EPHA3: variants seen among roughly 807,000 people sequenced by gnomAD.
EPHA3 encodes the protein ephrin type-A receptor 3.
EPHA3 carries 42 observed loss-of-function variants against 107.1 expected under a neutral mutation model. The observed-to-expected ratio is 0.39, with a 90% CI of 0.31 to 0.51. EPHA3 has a LOEUF of 0.51. Ranked by LOEUF, EPHA3 falls within the 20% of genes least tolerant of loss-of-function variation. EPHA3 has a pLI of 0.78. For synonymous variants in EPHA3, 461 were observed against 424.8 expected (o/e 1.09, Z -1.05); for missense variants, 1,183 against 1,211.2 (o/e 0.98, Z 0.35).
chr3:89,291,495 C>T (rs1481545349), intron 3 of EPHA3, among the ~76,000 whole-genome samples: 1 of 151,888 alleles, frequency 6.6e-6, no homozygotes, highest in African/African-American at 2.4e-5. Context: ...AGAACATTTG[C>T]TTATGTTTTA....
chr3:89,137,594 ATAGCTG>A, intron 2 of EPHA3, among the ~76,000 whole-genome samples: 1 of 151,942 alleles, frequency 6.6e-6, no homozygotes, highest in East Asian at 1.9e-4. Flanking sequence ...TGCAACCTTA[ATAGCTG>A]TAGATTACCA....
chr3:89,451,720 C>G (rs1709994169), intron 15 of EPHA3, among the ~76,000 whole-genome samples: 3 of 152,132 alleles, frequency 2.0e-5, no homozygotes, highest in Non-Finnish European at 2.9e-5. Flanking sequence ...CCAGTTGCTT[C>G]TCAATATCGC....
At chr3:89,407,675 C>T (rs1225020667) in intron 8 of EPHA3, among the ~76,000 whole-genome samples, 1 of 152,080 alleles carries the variant, frequency 6.6e-6, no homozygotes, top group Admixed American at 6.6e-5. Flanking sequence ...CTTCAAATAA[C>T]CCCAGATTTC....
chr3:89,299,841 C>T (rs1350865420), intron 3 of EPHA3, among the ~76,000 whole-genome samples: 1 of 151,940 alleles, frequency 6.6e-6, no homozygotes. Flanking sequence ...GTGTGATATC[C>T]AGCCTTAAGG....
chr3:89,355,610 A>G (rs1412255519), intron 5 of EPHA3, among the ~76,000 whole-genome samples: 1 of 150,726 alleles, frequency 6.6e-6, no homozygotes, highest in Non-Finnish European at 1.5e-5. Context: ...TATTGGACTA[A>G]ACTTACTGGC....
intron 3 of EPHA3, among the ~76,000 whole-genome samples, chr3:89,226,627 T>C (rs557630206): frequency 7.2e-5 from 11 of 152,262 alleles, no homozygotes; most frequent in African/African-American, 2.6e-4. Context: ...GGATAGGTTT[T>C]CAGAATTAAA....
In EPHA3 at chr3:89,265,148, T is replaced by G. The variant is rs1705507946; in HGVS notation, c.814+54628T>G. ...TGTTTTGGCCTAATATAATTTTTGT[T>G]ATTATCATCATTTTCTACTGTAAGT... On this transcript the variant is annotated intron_variant, in intron 3 of 16. Coordinates refer to ENST00000336596, the MANE Select transcript of EPHA3 (RefSeq NM_005233.6). Among the ~76,000 whole-genome samples the G allele has an allele frequency of 3.3e-5, 5 of 152,302 alleles. No homozygotes were observed. The South Asian group carries it at 1.0e-3, about 32-fold the overall frequency.
chr3:89,358,707 G>A (rs1708020328), intron 5 of EPHA3, among the ~76,000 whole-genome samples: 1 of 151,008 alleles, frequency 6.6e-6, no homozygotes, highest in South Asian at 2.1e-4. Flanking sequence ...AAGTATAATA[G>A]TTTTATCTTT....
chr3:89,288,720 A>T (rs1020776224), intron 3 of EPHA3, among the ~76,000 whole-genome samples: 3 of 152,172 alleles, frequency 2.0e-5, no homozygotes, highest in African/African-American at 7.2e-5. Flanking sequence ...TTAAACTCAA[A>T]AGCACCATAA....
intron 3 of EPHA3, 72 bp downstream of exon 3, chr3:89,210,592 A>G (rs938129556): frequency 6.3e-5 from 91 of 1,452,730 alleles, no homozygotes; most frequent in Non-Finnish European, 8.2e-5. Flanking sequence ...CATTAAATGA[A>G]ATGCACTCAG....
chr3:89,476,224 TTA>T (rs537350448), intron 16 of EPHA3, among the ~76,000 whole-genome samples: 28 of 147,002 alleles, frequency 1.9e-4, no homozygotes, highest in African/African-American at 4.9e-4. Context: ...TATAAGCATA[TTA>T]TATATATATA....
At chr3:89,260,220 T>C (rs1576272085) in intron 3 of EPHA3, among the ~76,000 whole-genome samples, 1 of 152,236 alleles carries the variant, frequency 6.6e-6, no homozygotes, top group Admixed American at 6.5e-5. Flanking sequence ...TGGATATGTA[T>C]GGAAGTTCTA....
At chr3:89,268,760 A>G (rs1705594297) in intron 3 of EPHA3, among the ~76,000 whole-genome samples, 1 of 152,038 alleles carries the variant, frequency 6.6e-6, no homozygotes, top group Non-Finnish European at 1.5e-5. Flanking sequence ...GAATTTTACA[A>G]TGTTCTCTGA....
At chr3:89,386,982 G>A (rs747439307) in intron 5 of EPHA3, among the ~76,000 whole-genome samples, 94 of 152,154 alleles carry the variant, frequency 6.2e-4, no homozygotes, top group Non-Finnish European at 2.6e-4. Flanking sequence ...TACCCTCATC[G>A]TATCTGGGAA....
chr3:89,396,030 G>A, intron 6 of EPHA3, 69 bp downstream of exon 6: 3 of 1,575,304 alleles, frequency 1.9e-6, no homozygotes, highest in Non-Finnish European at 2.6e-6. Flanking sequence ...CTGTGCTCTT[G>A]CAAAGAAACC....
rs868664771 is a variant in EPHA3 at position 89,390,429 on chromosome 3, T to A, written c.1307-5408T>A. On this transcript the variant is annotated intron_variant, in intron 5 of 16. Transcript: ENST00000336596. The stretch of plus-strand genomic sequence containing the variant: ...TCCTGGTCATCATGATGAAACCCCA[T>A]CTCTACCAAAAATACAAAAAATTAG... 3.9e-5 allele frequency among the ~76,000 whole-genome samples: 6 copies of A among 151,932 alleles called. No individual in the cohort carries two copies. The South Asian group carries it at 1.0e-3, about 26-fold the overall frequency.
At position 89,154,604 on chromosome 3, in the gene EPHA3, T is replaced by C. The variant is rs546565305; in HGVS notation, c.153+27331T>C. Among the ~76,000 whole-genome samples the C allele has an allele frequency of 3.3e-5, 5 of 151,786 alleles. No individual in the cohort carries two copies. In the South Asian group the frequency reaches 1.0e-3, roughly 31 times the overall value. On this transcript the variant is annotated intron_variant, in intron 2 of 16. Transcript: ENST00000336596. ...ATTGTTTGATTGAACTAGGATTAAT[T>C]ATATAAATCATGTGAAAAATTTCAA...
intron 2 of EPHA3, among the ~76,000 whole-genome samples, chr3:89,195,512 G>A (rs1705818408): frequency 6.6e-6 from 1 of 152,174 alleles, no homozygotes; most frequent in Admixed American, 6.5e-5. Flanking sequence ...ACATAAAATG[G>A]TCAATATGAT....
chr3:89,190,528 G>T (rs930259358), intron 2 of EPHA3, among the ~76,000 whole-genome samples: 4 of 152,144 alleles, frequency 2.6e-5, no homozygotes, highest in Admixed American at 6.5e-5. Flanking sequence ...AGACTGGGTG[G>T]TTTAAACAAA....
Sources: allele counts gnomAD v4.1 joint callset (sites outside exome capture counted in the v4.1 genomes callset), GRCh38; gene constraint gnomAD v4.1.1; transcripts MANE v1.5; gene names NCBI Gene and HGNC (gene_info 2026-07-23, HGNC 2026-07-21).